ELAPOR2: variants seen among roughly 807,000 people sequenced by gnomAD.
ELAPOR2 encodes endosome/lysosome-associated apoptosis and autophagy regulator family member 2.
Under a neutral mutation model 120.7 loss-of-function variants are expected in ELAPOR2, and 89 were observed. The ratio of observed to expected loss-of-function variants is 0.74; its 90% CI spans 0.62 to 0.88. ELAPOR2 has a LOEUF of 0.88. ELAPOR2 is among the 40% of genes least tolerant of loss of function. The pLI, the probability that ELAPOR2 is intolerant of heterozygous loss-of-function variation, is 0.00. For missense variants in ELAPOR2, 1,134 were observed against 1,251.6 expected, an observed-to-expected ratio of 0.91 and a Z score of 1.42; for synonymous variants, 444 against 444.9, an observed-to-expected ratio of 1.00 and a Z score of 0.03.
intron 14 of ELAPOR2, among the ~76,000 whole-genome samples, chr7:86,912,461 G>A (rs930311546): frequency 4.0e-5 from 6 of 151,152 alleles, no homozygotes; most frequent in Non-Finnish European, 8.8e-5. Flanking sequence ...ACAGAGTAAA[G>A]TTATCCTCAA....
At chr7:86,914,106 G>T (rs370715806) in intron 13 of ELAPOR2, among the ~76,000 whole-genome samples, 3 of 152,272 alleles carry the variant, frequency 2.0e-5, no homozygotes, top group East Asian at 3.9e-4. Context: ...TGAACAAGTG[G>T]TTTATCTTGT....
At chr7:86,985,650 TA>T (rs1267578192) in intron 1 of ELAPOR2, among the ~76,000 whole-genome samples, 1 of 152,172 alleles carries the variant, frequency 6.6e-6, no homozygotes, top group East Asian at 1.9e-4. Context: ...CCCCTCATGC[TA>T]AAAACTCTCA....
intron 15 of ELAPOR2, 67 bp downstream of exon 15, chr7:86,912,005 C>G (rs1789334830): frequency 1.4e-6 from 2 of 1,469,202 alleles, no homozygotes; most frequent in South Asian, 1.2e-5. Context: ...GGTCCATTAA[C>G]ACAGAAAATA....
chr7:87,027,416 G>A (rs748571241), intron 1 of ELAPOR2, among the ~76,000 whole-genome samples: 7 of 152,106 alleles, frequency 4.6e-5, no homozygotes, highest in Non-Finnish European at 7.4e-5. Flanking sequence ...AATTTTAAGT[G>A]TCATTAGAAT....
chr7:86,937,426 G>A (rs533037424), intron 8 of ELAPOR2, among the ~76,000 whole-genome samples: 67 of 152,146 alleles, frequency 4.4e-4, no homozygotes, highest in Non-Finnish European at 7.5e-4. Flanking sequence ...AAGAAGCAAC[G>A]CTCCATAGCA....
At chr7:86,984,740 C>T (rs887346895) in intron 1 of ELAPOR2, among the ~76,000 whole-genome samples, 7 of 151,946 alleles carry the variant, frequency 4.6e-5, no homozygotes, top group African/African-American at 1.7e-4. Context: ...GCATGAAAGA[C>T]CTAAAATCAA....
chr7:86,894,963 A>T (rs1318592493), intron 19 of ELAPOR2, among the ~76,000 whole-genome samples: 1 of 152,032 alleles, frequency 6.6e-6, no homozygotes, highest in Non-Finnish European at 1.5e-5. Flanking sequence ...CTTTTTGTTT[A>T]TATCAGCTGT....
intron 1 of ELAPOR2, among the ~76,000 whole-genome samples, chr7:87,055,816 C>T (rs1284896501): frequency 6.6e-6 from 1 of 152,122 alleles, no homozygotes; most frequent in Admixed American, 6.5e-5. Flanking sequence ...GACATTTTGT[C>T]TAGCACATGG....
chr7:87,048,801 G>T (rs1475887995), intron 1 of ELAPOR2, among the ~76,000 whole-genome samples: 1 of 152,142 alleles, frequency 6.6e-6, no homozygotes, highest in Non-Finnish European at 1.5e-5. Flanking sequence ...AATGTCAATT[G>T]TCCCAATGAA....
intron 20 of ELAPOR2, 21 bp from the exon 21 acceptor site, chr7:86,891,910 TAAAC>T (rs1306749339): frequency 1.4e-5 from 20 of 1,435,682 alleles, no homozygotes; most frequent in Non-Finnish European, 1.9e-5. Context: ...ATAAAATAAA[TAAAC>T]AAATAAGTAT....
chr7:86,944,926 G>C lies in ELAPOR2; in HGVS notation c.627C>G (p.Val209=). 1 of 1,548,360 alleles carries C rather than the reference G, an allele frequency of 6.5e-7. No homozygotes were observed. Among genetic ancestry groups the C allele is most frequent in the Non-Finnish European group, 8.7e-7 (1 of 1,145,972 alleles). The change falls in exon 4 of 22, where the codon GTC becomes GTG. Residue 209 remains valine (V), a synonymous_variant. Coordinates refer to ENST00000450689, the MANE Select transcript of ELAPOR2 (RefSeq NM_001142749.3). ...AGAACTCAAAGAAGATGTTGTTGTC[G>C]ACATACTGGTACTCAAAGAAGACAT... is the stretch of plus-strand genomic sequence containing the variant. ...SGYVFFEYQY[V]DNNIFFEFFI...
chr7:86,938,815 T>C lies in ELAPOR2; in HGVS notation c.993A>G (p.Gln331=), dbSNP rs1433669659. The C allele has an allele frequency of 1.9e-6, 3 of 1,612,924 alleles. No individual in the cohort carries two copies. Among genetic ancestry groups the C allele is most frequent in the East Asian group, 2.2e-5 (1 of 44,868 alleles). ...KECIRCKDDS[Q]FSEEGSSECT... is the part of the protein sequence containing the mutation. ...AGTATAAACTAGTTCTACCTGAAAA[T>C]TGAGAGTCGTCTTTACACCTTATAC... The change falls in exon 7 of 22, where the codon CAA becomes CAG. Residue 331 remains glutamine (Q), a synonymous_variant. Transcript: ENST00000450689.
chr7:86,934,845 C>T (rs1790498173), intron 8 of ELAPOR2, among the ~76,000 whole-genome samples: 1 of 151,976 alleles, frequency 6.6e-6, no homozygotes, highest in Admixed American at 6.6e-5. Context: ...CCTTCCTCGC[C>T]TCCAGACCTT....
At chr7:86,925,729 A>G (rs1790035810) in intron 9 of ELAPOR2, 73 bp from the exon 10 acceptor site, 1 of 1,331,862 alleles carries the variant, frequency 7.5e-7, no homozygotes, top group Non-Finnish European at 1.1e-6. Flanking sequence ...TCTGTTCCAA[A>G]CACACTACAT....
chr7:86,946,520 G>C (rs572605416), intron 3 of ELAPOR2, among the ~76,000 whole-genome samples: 6 of 152,228 alleles, frequency 3.9e-5, no homozygotes, highest in African/African-American at 1.4e-4. Flanking sequence ...CAGAGTACCT[G>C]GGATTACGGG....
At chr7:86,945,170 C>G in intron 3 of ELAPOR2, 124 bp from the exon 4 acceptor site, 6 of 782,484 alleles carry the variant, frequency 7.7e-6, no homozygotes, top group Non-Finnish European at 1.2e-5. Flanking sequence ...ACACCAGAAG[C>G]TTTTCCAGAC....
chr7:86,955,458 T>G (rs1394926969), intron 2 of ELAPOR2, among the ~76,000 whole-genome samples: 1 of 152,030 alleles, frequency 6.6e-6, no homozygotes, highest in Non-Finnish European at 1.5e-5. Flanking sequence ...TGGTTGTGAG[T>G]ACATCAACTA....
chr7:86,982,414 C>T (rs748734851), intron 1 of ELAPOR2, among the ~76,000 whole-genome samples: 7 of 152,164 alleles, frequency 4.6e-5, no homozygotes, highest in Admixed American at 1.3e-4. Context: ...CAGTAGGGGC[C>T]GACTGACACC....
chr7:87,022,854 T>G (rs941245742), intron 1 of ELAPOR2, among the ~76,000 whole-genome samples: 10 of 152,072 alleles, frequency 6.6e-5, no homozygotes, highest in Middle Eastern at 3.4e-3. Flanking sequence ...TTTTCATGTG[T>G]TTTTTGGCTG....
Sources: gnomAD v4.1 joint callset for allele counts (sites outside exome capture counted in the v4.1 genomes callset) on GRCh38, gnomAD v4.1.1 for gene constraint, MANE v1.5 for transcripts, NCBI Gene and HGNC (gene_info 2026-07-23, HGNC 2026-07-21) for gene names.